Variants in ZBTB20 observed in about 807,000 individuals in gnomAD.
ZBTB20 encodes zinc finger and BTB domain-containing protein 20.
Under a neutral mutation model 56.9 loss-of-function variants are expected in ZBTB20, and 9 were observed. That is an observed-to-expected ratio of 0.16 (90% CI 0.10 to 0.28). The LOEUF is 0.28. ZBTB20 is among the 10% of genes least tolerant of loss of function. ZBTB20 has a pLI of 1.00. For missense variants in ZBTB20, 655 were observed against 1,003.0 expected (o/e 0.65, Z 4.69); for synonymous variants, 417 against 420.7 (o/e 0.99, Z 0.11).
intron 2 of ZBTB20, among the ~76,000 whole-genome samples, chr3:115,018,109 A>G (rs2080049379): frequency 6.6e-6 from 1 of 151,358 alleles, no homozygotes; most frequent in Admixed American, 6.6e-5. Flanking sequence ...AGGACTTCTA[A>G]TTTTGTACCA....
intron 2 of ZBTB20, among the ~76,000 whole-genome samples, chr3:115,046,412 T>A (rs1012127794): frequency 6.6e-6 from 1 of 152,064 alleles, no homozygotes; most frequent in South Asian, 2.1e-4. Context: ...TCAATTCCTT[T>A]CCCCCAAAAT....
intron 5 of ZBTB20, among the ~76,000 whole-genome samples, chr3:114,753,735 C>T (rs2067783776): frequency 6.6e-6 from 1 of 151,950 alleles, no homozygotes. Context: ...CACCCAGCCA[C>T]ATTTATATTT....
chr3:114,402,808 T>G (rs1036055083), intron 7 of ZBTB20, among the ~76,000 whole-genome samples: 7 of 152,176 alleles, frequency 4.6e-5, no homozygotes, highest in Non-Finnish European at 8.8e-5. Context: ...TATTGCTGAA[T>G]GGTTCTGACT....
At chr3:114,796,969 T>C (rs561490991) in intron 5 of ZBTB20, among the ~76,000 whole-genome samples, 1 of 151,996 alleles carries the variant, frequency 6.6e-6, no homozygotes, top group South Asian at 2.1e-4. Context: ...AGTATGAATG[T>C]GGAGTATGAC....
intron 6 of ZBTB20, among the ~76,000 whole-genome samples, chr3:114,580,168 G>T (rs1171536397): frequency 2.0e-5 from 3 of 151,280 alleles, no homozygotes; most frequent in Non-Finnish European, 3.0e-5. Context: ...CCAAGAGCAA[G>T]AATATTTTTT....
At chr3:115,046,391 AT>A (rs1407748023) in intron 2 of ZBTB20, among the ~76,000 whole-genome samples, 16 of 152,180 alleles carry the variant, frequency 1.1e-4, no homozygotes, top group Non-Finnish European at 2.4e-4. Flanking sequence ...AATGGGCTTA[AT>A]AATGTGGCAT....
At chr3:114,931,406 C>G (rs144734558) in intron 3 of ZBTB20, 2,370 of 227,862 alleles carry the variant, frequency 0.01, 15 homozygotes, top group Non-Finnish European at 0.015. Flanking sequence ...ACAACAGCAG[C>G]CAGTCCACCA....
At chr3:114,473,173 G>A (rs550704560) in intron 7 of ZBTB20, among the ~76,000 whole-genome samples, 1 of 152,334 alleles carries the variant, frequency 6.6e-6, no homozygotes, top group African/African-American at 2.4e-5. Flanking sequence ...CGCTTTATGT[G>A]TGCTATGTCC....
At chr3:115,120,406 T>G (rs1345968069) in intron 1 of ZBTB20, among the ~76,000 whole-genome samples, 1 of 151,870 alleles carries the variant, frequency 6.6e-6, no homozygotes, top group Non-Finnish European at 1.5e-5. Flanking sequence ...TCAACAAATA[T>G]CAAAGAATTA....
At chr3:115,021,302 G>T (rs2080193798) in intron 2 of ZBTB20, among the ~76,000 whole-genome samples, 1 of 150,818 alleles carries the variant, frequency 6.6e-6, no homozygotes, top group Non-Finnish European at 1.5e-5. Flanking sequence ...ATGAAGTTCA[G>T]CAGCAAAAAC....
intron 6 of ZBTB20, among the ~76,000 whole-genome samples, chr3:114,668,949 T>C (rs1207539975): frequency 2.6e-5 from 4 of 151,988 alleles, no homozygotes; most frequent in Non-Finnish European, 5.9e-5. Flanking sequence ...GATTTTTCTA[T>C]ACTCCATTAT....
intron 6 of ZBTB20, chr3:114,687,110 T>C (rs115684204): frequency 8.7e-4 from 132 of 152,220 alleles, no homozygotes; most frequent in African/African-American, 2.9e-3. Context: ...CCAGAGTACA[T>C]TGATAGAGGA....
In ZBTB20 at chr3:114,331,875, A is replaced by G. The variant is rs553658366; in HGVS notation, c.*7130T>C. ...ATGTGAAACAGTTTTGTGCTGAGGGAAGCTCACACTGTGTGTGCACATGTA... is the reference window on the plus strand; with the variant it reads ...ATGTGAAACAGTTTTGTGCTGAGGGGAGCTCACACTGTGTGTGCACATGTA... On this transcript the variant is annotated 3_prime_UTR_variant, in exon 12 of 12. Coordinates refer to ENST00000675478, the MANE Select transcript of ZBTB20 (RefSeq NM_001348800.3). 4 of 152,330 alleles carry G rather than the reference A, an allele frequency of 2.6e-5. No individual in the cohort carries two copies. Among genetic ancestry groups the G allele is most frequent in the African/African-American group, 9.6e-5 (4 of 41,562 alleles). 9.4% of individuals were successfully genotyped at this position (152,330 alleles called of 1,614,324 possible).
At chr3:115,013,668 C>T (rs1359555455) in intron 2 of ZBTB20, among the ~76,000 whole-genome samples, 3 of 151,696 alleles carry the variant, frequency 2.0e-5, no homozygotes, top group African/African-American at 7.2e-5. Flanking sequence ...CATTCTAACT[C>T]ATTCTATATT....
chr3:115,079,305 A>T (rs1362633724), intron 1 of ZBTB20, among the ~76,000 whole-genome samples: 1 of 152,200 alleles, frequency 6.6e-6, no homozygotes, highest in Non-Finnish European at 1.5e-5. Context: ...ATTAAAACAG[A>T]AGTAATGGAA....
intron 5 of ZBTB20, among the ~76,000 whole-genome samples, chr3:114,765,187 AAT>A (rs887796862): frequency 1.3e-5 from 2 of 152,164 alleles, no homozygotes; most frequent in Admixed American, 1.3e-4. Flanking sequence ...CTGCACAAAA[AAT>A]AGTGTTCATA....
chr3:114,454,893 G>A (rs1240155735), intron 7 of ZBTB20: 1 of 151,760 alleles, frequency 6.6e-6, no homozygotes, highest in Non-Finnish European at 1.5e-5. Context: ...AAATCTCCGA[G>A]TGCCATTCTG....
At chr3:115,133,889 T>C (rs148205494) in intron 1 of ZBTB20, among the ~76,000 whole-genome samples, 2 of 152,346 alleles carry the variant, frequency 1.3e-5, no homozygotes, top group African/African-American at 4.8e-5. Context: ...CTTGAGTATA[T>C]ACCTCAGAGT....
intron 3 of ZBTB20, among the ~76,000 whole-genome samples, chr3:114,951,218 G>A (rs986513904): frequency 1.3e-5 from 2 of 151,858 alleles, no homozygotes; most frequent in African/African-American, 4.8e-5. Flanking sequence ...AAACAATTGC[G>A]ACCATAAGAA....
Sources: gnomAD v4.1 joint callset for allele counts (sites outside exome capture counted in the v4.1 genomes callset) on GRCh38, gnomAD v4.1.1 for gene constraint, MANE v1.5 for transcripts, NCBI Gene and HGNC (gene_info 2026-07-23, HGNC 2026-07-21) for gene names.